Variants in BUB1 observed in about 807,000 individuals in gnomAD.
BUB1 encodes BUB1 mitotic checkpoint serine/threonine kinase, also known as mitotic checkpoint serine/threonine-protein kinase BUB1.
Under a neutral mutation model 135.2 loss-of-function variants are expected in BUB1, and 84 were observed. The ratio of observed to expected loss-of-function variants is 0.62; its 90% confidence interval spans 0.52 to 0.74. The LOEUF is 0.74. Ranked by LOEUF, BUB1 falls within the 30% of genes least tolerant of loss-of-function variation. The pLI, the probability that BUB1 is intolerant of heterozygous loss-of-function variation, is 0.00. For synonymous variants in BUB1, 403 were observed against 434.4 expected, an observed-to-expected ratio of 0.93 and a Z score of 0.90; for missense variants, 1,162 against 1,288.3, an observed-to-expected ratio of 0.90 and a Z score of 1.50.
chr2:110,650,449 G>T, intron 18 of BUB1, 97 bp downstream of exon 18: 1 of 1,128,612 alleles, frequency 8.9e-7, no homozygotes, highest in Non-Finnish European at 1.3e-6. Flanking sequence ...GTTCTACTCA[G>T]TGACATTCAA....
At chr2:110,674,819 T>C (rs1690528925) in intron 1 of BUB1, 1 of 209,750 alleles carries the variant, frequency 4.8e-6, no homozygotes, top group African/African-American at 2.4e-5. Context: ...GATCCAGGCA[T>C]GGCACTGACT....
At chr2:110,655,242 T>C (rs1403476433) in intron 16 of BUB1, among the ~76,000 whole-genome samples, 1 of 152,190 alleles carries the variant, frequency 6.6e-6, no homozygotes, top group Non-Finnish European at 1.5e-5. Flanking sequence ...GTAGGAAAAA[T>C]AAGACTTTCT....
At chr2:110,669,173 G>A (rs1321327754) in intron 6 of BUB1, among the ~76,000 whole-genome samples, 1 of 152,174 alleles carries the variant, frequency 6.6e-6, no homozygotes, top group Non-Finnish European at 1.5e-5. Flanking sequence ...GCAGAACAGA[G>A]GAAAGGACAT....
At chr2:110,665,198 T>C (rs183791123) in intron 9 of BUB1, among the ~76,000 whole-genome samples, 19 of 152,372 alleles carry the variant, frequency 1.2e-4, no homozygotes, top group African/African-American at 4.1e-4. Flanking sequence ...GTCTTATTTA[T>C]GTAGAACGTT....
intron 19 of BUB1, among the ~76,000 whole-genome samples, chr2:110,644,976 C>T (rs1689605799): frequency 6.6e-6 from 1 of 151,998 alleles, no homozygotes; most frequent in Admixed American, 6.6e-5. Flanking sequence ...AACTCAAAAT[C>T]AGAGAAGGAA....
chr2:110,658,728 T>C lies in BUB1; in HGVS notation c.1291A>G (p.Lys431Glu), dbSNP rs909552310. ...AEIKEGCETH[K>E]VANTSSFHTT... ...TGAAAAGAACTTGTGTTGGCAACCT[T>C]ATGTGTTTCACACCCTAGCAAAGAA... is the stretch of plus-strand genomic sequence containing the variant. The change falls in exon 12 of 25, where the codon AAG becomes GAG. Residue 431 changes from lysine to glutamate, a missense_variant. Physicochemically the swap from Lys to Glu is moderately conservative, Grantham distance 56. Transcript: ENST00000302759. 1 of 1,614,182 alleles carries C rather than the reference T, an allele frequency of 6.2e-7. No individual in the cohort carries two copies. Among genetic ancestry groups the C allele is most frequent in the African/African-American group, 1.3e-5 (1 of 75,058 alleles).
intron 19 of BUB1, among the ~76,000 whole-genome samples, chr2:110,644,058 C>CAAAAAAAA (rs58393999): frequency 4.3e-3 from 168 of 39,360 alleles, no homozygotes; most frequent in East Asian, 5.4e-3. Context: ...AACTGAAATG[C>CAAAAAAAA]AAAAAAAAAA....
At position 110,672,699 on chromosome 2, in the gene BUB1, G is replaced by C; in HGVS notation, c.384C>G (p.Asn128Lys). The C allele has an allele frequency of 6.2e-7, 1 of 1,608,712 alleles. No individual in the cohort carries two copies. Among genetic ancestry groups the C allele is most frequent in the Non-Finnish European group, 8.5e-7 (1 of 1,178,264 alleles). Residue 128 changes from asparagine to lysine, a missense_variant, in exon 4 of 25, where the codon AAC becomes AAG. Physicochemically the swap from Asn to Lys is moderately conservative, Grantham distance 94. Coordinates refer to ENST00000302759, the MANE Select transcript of BUB1 (RefSeq NM_004336.5). ...GCAGGAACTCTCTGGGTTCAGCCTG[G>C]TTTTGAATTCCTCTCTGAAGGACAG... ...ASAVLQRGIQ[N>K]QAEPREFLQQ...
At chr2:110,640,581 TAC>T (rs1416618704) in intron 23 of BUB1, among the ~76,000 whole-genome samples, 1 of 152,188 alleles carries the variant, frequency 6.6e-6, no homozygotes, top group Non-Finnish European at 1.5e-5. Flanking sequence ...TACCATCTAT[TAC>T]AGTCAAACCC....
In BUB1 at chr2:110,653,466, A is replaced by G; in HGVS notation, c.1934T>C (p.Met645Thr). 3 of 1,613,944 alleles carry G rather than the reference A, an allele frequency of 1.9e-6. No individual in the cohort carries two copies. The highest frequency in any genetic ancestry group is 2.5e-6 in the Non-Finnish European group (3 of 1,179,918). ...TTTTCCATCCCTTGAAGGCACCACCATGTTTTCCTCACAAGAATCCAAAGT... is the reference window on the plus strand; with the variant it reads ...TTTTCCATCCCTTGAAGGCACCACCGTGTTTTCCTCACAAGAATCCAAAGT... ...QATLDSCEEN[M>T]VVPSRDGKFS... The change falls in exon 17 of 25, where the codon ATG becomes ACG. Residue 645 changes from methionine to threonine, a missense_variant. By Grantham distance (81) the Met-to-Thr change is moderately conservative. Coordinates refer to ENST00000302759, the MANE Select transcript of BUB1 (RefSeq NM_004336.5).
In BUB1 at chr2:110,648,067, T is replaced by C. The variant is rs1379669254; in HGVS notation, c.2347+1167A>G. Among the ~76,000 whole-genome samples, 2 of 152,236 alleles carry C rather than the reference T, an allele frequency of 1.3e-5. No homozygotes were observed. The highest frequency in any genetic ancestry group is 2.9e-5 in the Non-Finnish European group (2 of 68,042). On this transcript the variant is annotated intron_variant, in intron 19 of 24. Transcript: ENST00000302759. The surrounding 1 kb of genome is among the most constrained non-coding windows in gnomAD (Gnocchi z 4.2). Reference sequence around the variant, plus strand: ...ACCCAAATTATGAGTTGAAAACTTATGTCCACACAAAAACTTGCACACAGA... The same window carrying C: ...ACCCAAATTATGAGTTGAAAACTTACGTCCACACAAAAACTTGCACACAGA...
intron 5 of BUB1, among the ~76,000 whole-genome samples, chr2:110,669,963 A>T (rs1055610199): frequency 6.6e-6 from 1 of 152,010 alleles, no homozygotes; most frequent in African/African-American, 2.4e-5. Flanking sequence ...AAAAAATCCT[A>T]CAAATACAGT....
chr2:110,642,780 C>T (rs1301854750), intron 19 of BUB1: 1 of 152,420 alleles, frequency 6.6e-6, no homozygotes, highest in Non-Finnish European at 1.5e-5. Flanking sequence ...CAGCTTTGAC[C>T]TCCTGGGCCC....
chr2:110,655,463 T>C (rs1039959978), intron 16 of BUB1, among the ~76,000 whole-genome samples: 6 of 152,230 alleles, frequency 3.9e-5, no homozygotes, highest in Admixed American at 1.3e-4. Flanking sequence ...TTGGACCTTA[T>C]TTCCTTTAAA....
At chr2:110,666,027 T>C in intron 9 of BUB1, 1 of 369,608 alleles carries the variant, frequency 2.7e-6, no homozygotes. Flanking sequence ...TATAAATACA[T>C]GAATATATAG....
rs1388324133 is a variant in BUB1 at position 110,649,543 on chromosome 2, A to T, written c.2204-166T>A. ...AAAAAAGAACTATTTTTAAAAGTCA[A>T]AATTGGTAGCTCTGCACAGTTTATT... On this transcript the variant is annotated intron_variant, in intron 18 of 24. Coordinates refer to ENST00000302759, the MANE Select transcript of BUB1 (RefSeq NM_004336.5). Among the ~76,000 whole-genome samples the T allele has an allele frequency of 2.6e-5, 4 of 152,230 alleles. No homozygotes were observed. The East Asian group carries it at 7.7e-4, about 29-fold the overall frequency.
rs199887786 is a variant in BUB1, at chr2:110,638,130, A to T, written c.3092T>A (p.Phe1031Tyr). ...TGGAATATTCAACATAACATGAAAAAATTCATTCCACATATCCAAATGAGG... is the reference window on the plus strand; with the variant it reads ...TGGAATATTCAACATAACATGAAAATATTCATTCCACATATCCAAATGAGG... ...RLPHLDMWNE[F>Y]FHVMLNIPDC... Residue 1031 changes from phenylalanine (F) to tyrosine (Y), a missense_variant, in exon 25 of 25, where the codon TTT (phenylalanine) becomes TAT (tyrosine). By Grantham distance (22) the Phe-to-Tyr change is conservative (BLOSUM62 3). Transcript: ENST00000302759. 201 of 1,598,372 alleles carry T rather than the reference A, an allele frequency of 1.3e-4. No homozygotes were observed. Among genetic ancestry groups the T allele is most frequent in the Non-Finnish European group, 1.3e-4 (151 of 1,175,248 alleles).
chr2:110,674,454 G>T, intron 1 of BUB1, 89 bp from the exon 2 acceptor site: 2 of 1,178,292 alleles, frequency 1.7e-6, no homozygotes, highest in Non-Finnish European at 1.2e-6. Flanking sequence ...CCATTTATGT[G>T]CATTAAAACA....
At position 110,648,752 on chromosome 2, in the gene BUB1, T is replaced by C. The variant is rs1447702973; in HGVS notation, c.2347+482A>G. On this transcript the variant is annotated intron_variant, in intron 19 of 24. Transcript: ENST00000302759. This position sits in a 1 kb window ranked among gnomAD's most constrained non-coding sequence, Gnocchi z 4.2. ...AAACTTAAAAGGGAATATTGTGAAG[T>C]CTTGCTACCATTGTTTCCCACTCCC... 1 of 152,292 alleles carries C rather than the reference T, an allele frequency of 6.6e-6. No homozygotes were observed. The highest frequency in any genetic ancestry group is 2.4e-5 in the African/African-American group (1 of 41,552). The allele number at this position is 152,292 out of a possible 1,614,324, so 9.4% of individuals were successfully genotyped here.
Sources: allele counts gnomAD v4.1 joint callset (sites outside exome capture counted in the v4.1 genomes callset), GRCh38; gene constraint gnomAD v4.1.1; non-coding constraint Gnocchi (gnomAD v3.1); transcripts MANE v1.5; gene names NCBI Gene and HGNC (gene_info 2026-07-23, HGNC 2026-07-21).